NRXN1: variants seen among roughly 807,000 people sequenced by gnomAD.
NRXN1 encodes the protein neurexin 1.
NRXN1 carries 39 observed loss-of-function variants against 150.9 expected under a neutral mutation model. The ratio of observed to expected loss-of-function variants is 0.26; its 90% CI spans 0.20 to 0.34. The LOEUF (loss-of-function observed/expected upper bound fraction) is 0.34. Among genes scored for constraint, NRXN1 ranks in the 10% least tolerant of loss-of-function variants. The probability of loss-of-function intolerance (pLI) is 1.00; values close to 1 mark genes in which losing one functional copy is unlikely to be tolerated. For synonymous variants in NRXN1, 924 were observed against 757.0 expected (o/e 1.22, Z -3.62); for missense variants, 1,815 against 1,949.9 (o/e 0.93, Z 1.30).
chr2:50,639,189 G>A (rs1683678626), intron 5 of NRXN1, among the ~76,000 whole-genome samples: 1 of 147,876 alleles, frequency 6.8e-6, no homozygotes, highest in Non-Finnish European at 1.5e-5. Flanking sequence ...ACACTTTTAT[G>A]CATTTATCAT....
chr2:50,846,760 A>C (rs72889495), intron 5 of NRXN1, among the ~76,000 whole-genome samples: 4,218 of 152,290 alleles, frequency 0.028, 216 homozygotes, highest in African/African-American at 0.096. Context: ...GAGAGGAAAA[A>C]TATCTTTCCT....
chr2:50,417,184 G>T (rs1033938246), intron 17 of NRXN1: 12 of 152,042 alleles, frequency 7.9e-5, no homozygotes, highest in Non-Finnish European at 7.4e-5. Flanking sequence ...ATGTCCAGTT[G>T]TATCTGTATC....
At chr2:50,661,837 T>C (rs2104647338) in intron 5 of NRXN1, among the ~76,000 whole-genome samples, 1 of 152,188 alleles carries the variant, frequency 6.6e-6, no homozygotes, top group East Asian at 1.9e-4. Context: ...ATGCAAACGC[T>C]GTGGTAGCCG....
rs537901805 is a variant in NRXN1 at position 50,073,466 on chromosome 2, A to G, written c.3718+17857T>C. Among the ~76,000 whole-genome samples the G allele has an allele frequency of 2.6e-5, 4 of 152,284 alleles. No individual in the cohort carries two copies. The South Asian group carries it at 6.2e-4, about 24-fold the overall frequency. On this transcript the variant is annotated intron_variant, in intron 19 of 22. Coordinates refer to ENST00000401669, the MANE Select transcript of NRXN1 (RefSeq NM_001330078.2). ...GGCTTATCAATCATAATTAACCTCT[A>G]GAATACTTATCAGGCCTCACTCATG...
chr2:50,851,828 A>G (rs1476243959), intron 5 of NRXN1, among the ~76,000 whole-genome samples: 1 of 152,192 alleles, frequency 6.6e-6, no homozygotes, highest in Non-Finnish European at 1.5e-5. Context: ...GGACCCTTAA[A>G]TTCTGTAAGA....
intron 8 of NRXN1, among the ~76,000 whole-genome samples, chr2:50,602,513 A>G (rs1676443666): frequency 6.6e-6 from 1 of 152,072 alleles, no homozygotes; most frequent in Admixed American, 6.6e-5. Context: ...ATCACTTTCC[A>G]AAAATTGCTC....
chr2:50,045,530 C>G (rs878913007), intron 21 of NRXN1, among the ~76,000 whole-genome samples: 1 of 151,870 alleles, frequency 6.6e-6, no homozygotes, highest in South Asian at 2.1e-4. Flanking sequence ...CTTTTCCTTC[C>G]TCCTTCCCCT....
intron 18 of NRXN1, among the ~76,000 whole-genome samples, chr2:50,120,469 C>T (rs1450209009): frequency 6.6e-6 from 1 of 152,070 alleles, no homozygotes; most frequent in African/African-American, 2.4e-5. Context: ...GGGATAAACA[C>T]ATTAATGTAA....
At position 50,805,308 on chromosome 2, in the gene NRXN1, G is replaced by T. The variant is rs368442268; in HGVS notation, c.832+116561C>A. 5.9e-5 allele frequency among the ~76,000 whole-genome samples: 9 copies of T among 152,182 alleles called. No homozygotes were observed. In the East Asian group the frequency reaches 1.7e-3, roughly 29 times the overall value. ...TTTAGACATATAAGGTTACTTCTAT[G>T]AAGAAACAGAATGGAAAATGTCAAG... On this transcript the variant is annotated intron_variant, in intron 5 of 22. Transcript: ENST00000401669.
intron 17 of NRXN1, among the ~76,000 whole-genome samples, chr2:50,394,621 A>G (rs1046402240): frequency 2.6e-5 from 4 of 152,114 alleles, no homozygotes; most frequent in Middle Eastern, 6.8e-3. Context: ...CGCCTGCTAC[A>G]GCATCCTAAT....
chr2:51,000,861 C>T (rs984845657), intron 2 of NRXN1, among the ~76,000 whole-genome samples: 45 of 151,790 alleles, frequency 3.0e-4, no homozygotes, highest in African/African-American at 1.0e-3. Flanking sequence ...AGAAATGACA[C>T]AGAAAATATA....
At chr2:50,577,943 A>G (rs1412034087) in intron 8 of NRXN1, among the ~76,000 whole-genome samples, 3 of 152,172 alleles carry the variant, frequency 2.0e-5, no homozygotes, top group African/African-American at 7.2e-5. Context: ...GATAGATACT[A>G]TAAAGTCTGA....
chr2:50,157,012 A>C (rs1329167293), intron 18 of NRXN1, among the ~76,000 whole-genome samples: 1 of 152,058 alleles, frequency 6.6e-6, no homozygotes, highest in Non-Finnish European at 1.5e-5. Flanking sequence ...GTATTATCTT[A>C]GTTAAACCAT....
chr2:50,332,341 G>C lies in NRXN1; in HGVS notation c.3365-95371C>G, dbSNP rs554547774. Among the ~76,000 whole-genome samples the C allele has an allele frequency of 3.5e-4, 54 of 152,262 alleles. 1 individual carries two copies. The South Asian group carries it at 0.011, about 32-fold the overall frequency. ...ATGAAAATTTACTTTTGCACACTGA[G>C]ATATAACAAAAACCACACTTTCTGT... On this transcript the variant is annotated intron_variant, in intron 17 of 22. Transcript: ENST00000401669.
chr2:50,320,062 C>T (rs2075899791), intron 17 of NRXN1, among the ~76,000 whole-genome samples: 1 of 151,672 alleles, frequency 6.6e-6, no homozygotes, highest in Non-Finnish European at 1.5e-5. Context: ...CCCACCCTCA[C>T]TCCTCATCAG....
chr2:50,451,970 A>G (rs191328976), intron 17 of NRXN1, among the ~76,000 whole-genome samples: 13 of 152,350 alleles, frequency 8.5e-5, no homozygotes, highest in East Asian at 5.8e-4. Context: ...GCATTTATTT[A>G]CATACCAGTA....
chr2:50,987,742 T>C (rs1045818372), intron 2 of NRXN1, among the ~76,000 whole-genome samples: 3 of 151,952 alleles, frequency 2.0e-5, no homozygotes, highest in Non-Finnish European at 4.4e-5. Context: ...AGCTTGTCCA[T>C]GAATCAATAA....
At chr2:50,407,205 C>G (rs1472262051) in intron 17 of NRXN1, among the ~76,000 whole-genome samples, 1 of 152,174 alleles carries the variant, frequency 6.6e-6, no homozygotes, top group Non-Finnish European at 1.5e-5. Context: ...TCCCACATCT[C>G]TATAACATTA....
At chr2:50,261,910 G>A (rs62133118) in intron 17 of NRXN1, among the ~76,000 whole-genome samples, 14,862 of 151,686 alleles carry the variant, frequency 0.098, 869 homozygotes, top group East Asian at 0.16. Flanking sequence ...CAAAGTTATT[G>A]AAACTATACA....
Sources: allele counts gnomAD v4.1 joint callset (sites outside exome capture counted in the v4.1 genomes callset), GRCh38; gene constraint gnomAD v4.1.1; transcripts MANE v1.5; gene names NCBI Gene and HGNC (gene_info 2026-07-23, HGNC 2026-07-21).